IER3IP1: variants seen among roughly 807,000 people sequenced by gnomAD.
The protein encoded by IER3IP1 is immediate early response 3-interacting protein 1.
Under a neutral mutation model 12.2 loss-of-function variants are expected in IER3IP1, and 16 were observed. The ratio of observed to expected loss-of-function variants is 1.31; its 90% CI spans 0.89 to 1.99. IER3IP1 has a LOEUF of 1.99. Ranked by LOEUF, IER3IP1 falls within the 30% of genes most tolerant of loss-of-function variation. IER3IP1 has a pLI of 0.00. For missense variants in IER3IP1, 95 were observed against 95.8 expected, an observed-to-expected ratio of 0.99 and a Z score of 0.03; for synonymous variants, 42 against 40.0, an observed-to-expected ratio of 1.05 and a Z score of -0.19.
chr18:47,172,057 C>T lies in IER3IP1; in HGVS notation c.91+4130G>A, dbSNP rs2144438806. 6.6e-6 allele frequency among the ~76,000 whole-genome samples: 1 copy of T among 152,314 alleles called. No individual in the cohort carries two copies. Among genetic ancestry groups the T allele is most frequent in the South Asian group, 2.1e-4 (1 of 4,828 alleles). ...TTGGCCTCCCAAAGTGCTGGGATTA[C>T]AGGCATGAGCCACGGTGCTGGGCCT... On this transcript the variant is annotated intron_variant, in intron 1 of 2. Coordinates refer to ENST00000256433, the MANE Select transcript of IER3IP1 (RefSeq NM_016097.5). The surrounding 1 kb of genome is among the most constrained non-coding windows in gnomAD (Gnocchi z 4.0).
Position 47,156,103 on chromosome 18 carries a change from T to C in IER3IP1, c.*74A>G. 1.1e-6 allele frequency: 1 copy of C among 936,456 alleles called. No individual in the cohort carries two copies. Among genetic ancestry groups the C allele is most frequent in the Non-Finnish European group, 1.8e-6 (1 of 570,334 alleles). The allele number at this position is 936,456 out of a possible 1,614,324, so 58.0% of individuals were successfully genotyped here. On this transcript the variant is annotated 3_prime_UTR_variant, in exon 3 of 3. Coordinates refer to ENST00000256433, the MANE Select transcript of IER3IP1 (RefSeq NM_016097.5). ...CAAGGTCAGCCAGCTAAGATATAAA[T>C]ATTCCAATAATGACCAAAGTAATAA...
At chr18:47,157,267 A>G (rs1308578725) in intron 2 of IER3IP1, 169 bp downstream of exon 2, 1 of 625,946 alleles carries the variant, frequency 1.6e-6, no homozygotes. Flanking sequence ...GTAAGAAGCA[A>G]ACTAAGAAAA....
rs2063951353 is a variant in IER3IP1, at chr18:47,154,487, G to A, written c.*1690C>T. 1 of 152,198 alleles carries A rather than the reference G, an allele frequency of 6.6e-6. No individual in the cohort carries two copies. The highest frequency in any genetic ancestry group is 6.5e-5 in the Admixed American group (1 of 15,280). 9.4% of individuals were successfully genotyped at this position (152,198 alleles called of 1,614,324 possible). A position where few individuals can be genotyped will look rare whatever the true frequency, so the allele number is the denominator to read the frequency against. On this transcript the variant is annotated 3_prime_UTR_variant, in exon 3 of 3. Transcript: ENST00000256433. ...GAAGGTATGCTGTAATGTCTTATATGAAAAATAACATCAGATCAAGGTCTC... is the reference window on the plus strand; with the variant it reads ...GAAGGTATGCTGTAATGTCTTATATAAAAAATAACATCAGATCAAGGTCTC...
At chr18:47,173,175 C>A (rs1042458119) in intron 1 of IER3IP1, among the ~76,000 whole-genome samples, 17 of 152,090 alleles carry the variant, frequency 1.1e-4, no homozygotes, top group African/African-American at 4.1e-4. Flanking sequence ...AAATTTATTT[C>A]ATTATATCTT....
At chr18:47,175,235 G>T (rs1474072417) in intron 1 of IER3IP1, among the ~76,000 whole-genome samples, 1 of 152,100 alleles carries the variant, frequency 6.6e-6, no homozygotes, top group Non-Finnish European at 1.5e-5. Flanking sequence ...TTTCATTTTT[G>T]AATTTCTAAA....
At position 47,157,658 on chromosome 18, in the gene IER3IP1, T is replaced by A; in HGVS notation, c.92-121A>T. 1 of 840,686 alleles carries A rather than the reference T, an allele frequency of 1.2e-6. No homozygotes were observed. Among genetic ancestry groups the A allele is most frequent in the Non-Finnish European group, 2.0e-6 (1 of 499,704 alleles). The allele number at this position is 840,686 out of a possible 1,614,324, so 52.1% of individuals were successfully genotyped here. A position where few individuals can be genotyped will look rare whatever the true frequency, so the allele number is the denominator to read the frequency against. The stretch of plus-strand genomic sequence containing the variant: ...ACAAAGTAGAAAGTCATATGACTTT[T>A]AAGAAAAGTTAAAACAATAATGAGT... On this transcript the variant is annotated intron_variant, in intron 1 of 2. Coordinates refer to ENST00000256433, the MANE Select transcript of IER3IP1 (RefSeq NM_016097.5).
chr18:47,166,239 C>A (rs910769706), intron 1 of IER3IP1, among the ~76,000 whole-genome samples: 1 of 152,042 alleles, frequency 6.6e-6, no homozygotes, highest in East Asian at 1.9e-4. Flanking sequence ...TCAGGAATTG[C>A]AAGAATATAA....
intron 1 of IER3IP1, 42 bp downstream of exon 1, chr18:47,176,145 A>T: frequency 9.2e-6 from 14 of 1,516,854 alleles, no homozygotes; most frequent in Non-Finnish European, 1.3e-5. Context: ...GCCCCCGGGG[A>T]CTCCGCCGCC....
In IER3IP1 at chr18:47,155,313, G is replaced by C. The variant is rs2063954559; in HGVS notation, c.*864C>G. Reference sequence around the variant, plus strand: ...ACTCCACAATGTGCTGCTCCACCAAGAAATAGAAATGTAATGATTTTTTGA... The same window carrying C: ...ACTCCACAATGTGCTGCTCCACCAACAAATAGAAATGTAATGATTTTTTGA... On this transcript the variant is annotated 3_prime_UTR_variant, in exon 3 of 3. Coordinates refer to ENST00000256433, the MANE Select transcript of IER3IP1 (RefSeq NM_016097.5). The C allele has an allele frequency of 6.6e-6, 1 of 152,128 alleles. No homozygotes were observed. The highest frequency in any genetic ancestry group is 2.1e-4 in the South Asian group (1 of 4,816). The allele number at this position is 152,128 out of a possible 1,614,324, so 9.4% of individuals were successfully genotyped here. A position where few individuals can be genotyped will look rare whatever the true frequency, so the allele number is the denominator to read the frequency against.
At chr18:47,157,287 A>T in intron 2 of IER3IP1, 149 bp downstream of exon 2, 1 of 660,372 alleles carries the variant, frequency 1.5e-6, no homozygotes, top group Non-Finnish European at 2.6e-6. Context: ...AAAAAAAAAA[A>T]AACCCAGTAA....
intron 1 of IER3IP1, among the ~76,000 whole-genome samples, chr18:47,170,790 T>C (rs2064012894): frequency 6.6e-6 from 1 of 152,140 alleles, no homozygotes; most frequent in African/African-American, 2.4e-5. Flanking sequence ...TAGTGGACTC[T>C]TTAGGATTTT....
chr18:47,169,977 G>A (rs1331863503), intron 1 of IER3IP1, among the ~76,000 whole-genome samples: 1 of 151,960 alleles, frequency 6.6e-6, no homozygotes, highest in African/African-American at 2.4e-5. Flanking sequence ...TGTGCTTCTG[G>A]TATCGTATCT....
chr18:47,171,776 C>T (rs1009102834), intron 1 of IER3IP1, among the ~76,000 whole-genome samples: 6 of 152,016 alleles, frequency 3.9e-5, no homozygotes, highest in African/African-American at 1.4e-4. Flanking sequence ...TGAGATTTAG[C>T]AGACTGACAT....
At chr18:47,162,748 C>CT (rs1210900548) in intron 1 of IER3IP1, among the ~76,000 whole-genome samples, 1 of 151,900 alleles carries the variant, frequency 6.6e-6, no homozygotes, top group Non-Finnish European at 1.5e-5. Flanking sequence ...GGACATGAGC[C>CT]TTTTTAGCCA....
intron 2 of IER3IP1, 162 bp downstream of exon 2, chr18:47,157,274 A>G (rs2063964058): frequency 1.9e-5 from 5 of 265,582 alleles, no homozygotes; most frequent in South Asian, 5.5e-5. Context: ...GCAAACTAAG[A>G]AAAAAAAAAA....
chr18:47,157,843 A>C (rs915564996), intron 1 of IER3IP1, among the ~76,000 whole-genome samples: 1 of 152,206 alleles, frequency 6.6e-6, no homozygotes, highest in African/African-American at 2.4e-5. Context: ...TTTTTAAAAT[A>C]TCATACAAAA....
rs1394494314 is a variant in IER3IP1, at chr18:47,155,886, T to C, written c.*291A>G. 7.3e-6 allele frequency: 2 copies of C among 275,632 alleles called. No homozygotes were observed. The highest frequency in any genetic ancestry group is 1.3e-5 in the Non-Finnish European group (2 of 148,224). The allele number at this position is 275,632 out of a possible 1,614,324, so 17.1% of individuals were successfully genotyped here. A position where few individuals can be genotyped will look rare whatever the true frequency, so the allele number is the denominator to read the frequency against. On this transcript the variant is annotated 3_prime_UTR_variant, in exon 3 of 3. Transcript: ENST00000256433. ...ATCTAAAAAAAGAGAAGCAACAGTCTTGCACCCTTTTAACAATCTCACCAC... is the reference window on the plus strand; with the variant it reads ...ATCTAAAAAAAGAGAAGCAACAGTCCTGCACCCTTTTAACAATCTCACCAC...
chr18:47,167,894 C>T (rs1360920590), intron 1 of IER3IP1, among the ~76,000 whole-genome samples: 18 of 151,930 alleles, frequency 1.2e-4, no homozygotes. Flanking sequence ...GAAGCCGACG[C>T]GGGTGGATCA....
chr18:47,164,273 AGAAT>A (rs1350513190), intron 1 of IER3IP1, among the ~76,000 whole-genome samples: 7 of 151,298 alleles, frequency 4.6e-5, no homozygotes, highest in Non-Finnish European at 1.0e-4. Context: ...TTATGCCACC[AGAAT>A]GAAAAAAAAA....
Sources: gnomAD v4.1 joint callset for allele counts (sites outside exome capture counted in the v4.1 genomes callset) on GRCh38, gnomAD v4.1.1 for gene constraint, Gnocchi (gnomAD v3.1) non-coding constraint, MANE v1.5 for transcripts, NCBI Gene and HGNC (gene_info 2026-07-23, HGNC 2026-07-21) for gene names.